Variants in GFRA1 observed in about 807,000 individuals in gnomAD.
The protein encoded by GFRA1 is GDNF family receptor alpha 1, also known as GDNF family receptor alpha-1.
A neutral mutation model predicts 51.6 loss-of-function variants in GFRA1; 16 were observed. That is an observed-to-expected ratio of 0.31 (90% CI 0.21 to 0.47). The LOEUF (loss-of-function observed/expected upper bound fraction) is 0.47. Among genes scored for constraint, GFRA1 ranks in the 20% least tolerant of loss-of-function variants. GFRA1 has a pLI of 1.00. For missense variants in GFRA1, 530 were observed against 594.3 expected (o/e 0.89, Z 1.13); for synonymous variants, 270 against 241.3 (o/e 1.12, Z -1.10).
intron 5 of GFRA1, among the ~76,000 whole-genome samples, chr10:116,155,286 A>G (rs1959179540): frequency 6.6e-6 from 1 of 152,128 alleles, no homozygotes; most frequent in Admixed American, 6.6e-5. Context: ...GGCTCTCATA[A>G]CCTGTTAGCA....
chr10:116,092,871 C>A (rs981719327), intron 8 of GFRA1, among the ~76,000 whole-genome samples: 1 of 152,140 alleles, frequency 6.6e-6, no homozygotes, highest in African/African-American at 2.4e-5. Context: ...GAGTGGGTTG[C>A]AATTTTCAAG....
rs1843833995 is a variant in GFRA1 at position 116,270,685 on chromosome 10, C to G, written c.334+137G>C. On this transcript the variant is annotated intron_variant, in intron 3 of 10. Coordinates refer to ENST00000355422, the MANE Select transcript of GFRA1 (RefSeq NM_005264.8). ...CCAGCAAACACCAGCTGCCGTTGTC[C>G]CTGGGGGCCAAGGAAAGGTCCTCAC... 4 of 705,570 alleles carry G rather than the reference C, an allele frequency of 5.7e-6. No homozygotes were observed. In the South Asian group the frequency reaches 7.0e-5, roughly 12 times the overall value. The allele number at this position is 705,570 out of a possible 1,614,324, so 43.7% of individuals were successfully genotyped here.
chr10:116,261,562 C>T (rs1376889697), intron 4 of GFRA1, among the ~76,000 whole-genome samples: 1 of 152,050 alleles, frequency 6.6e-6, no homozygotes, highest in African/African-American at 2.4e-5. Flanking sequence ...TGTACTTTAT[C>T]TTCTTCCATG....
Position 116,270,893 on chromosome 10 carries a change from C to A in GFRA1, c.263G>T (p.Arg88Leu). The stretch of plus-strand genomic sequence containing the variant: ...CTCCTTCTTCATACCCCGCTTGCAG[C>A]GGCAGTTGTAGAGCGACTTCTGCTT... ...ALKQKSLYNC[R>L]CKRGMKKEKN... The change falls in exon 3 of 11, where the codon CGC (arginine) becomes CTC (leucine). Residue 88 changes from arginine to leucine, a missense_variant. Coordinates refer to ENST00000355422, the MANE Select transcript of GFRA1 (RefSeq NM_005264.8). 2 of 1,614,084 alleles carry A rather than the reference C, an allele frequency of 1.2e-6. No homozygotes were observed. The highest frequency in any genetic ancestry group is 1.6e-4 in the Middle Eastern group (1 of 6,062).
chr10:116,076,760 A>T (rs2133817654), intron 9 of GFRA1, among the ~76,000 whole-genome samples: 1 of 152,144 alleles, frequency 6.6e-6, no homozygotes, highest in East Asian at 1.9e-4. Flanking sequence ...CCTGGGACCT[A>T]ATTCCCCATG....
intron 5 of GFRA1, among the ~76,000 whole-genome samples, chr10:116,153,774 A>G (rs1357936878): frequency 6.6e-6 from 1 of 152,230 alleles, no homozygotes; most frequent in Non-Finnish European, 1.5e-5. Flanking sequence ...TCTGTTCATC[A>G]AATGATACCA....
At chr10:116,105,582 T>C (rs2694791) in intron 6 of GFRA1, among the ~76,000 whole-genome samples, 27,559 of 152,182 alleles carry the variant, frequency 0.18, 2,530 homozygotes, top group Middle Eastern at 0.23. Context: ...TGCCTTCAGA[T>C]GTAGCTGTGA....
chr10:116,157,306 C>T (rs1959243401), intron 5 of GFRA1, among the ~76,000 whole-genome samples: 1 of 152,140 alleles, frequency 6.6e-6, no homozygotes, highest in Non-Finnish European at 1.5e-5. Context: ...CTTTTAAGGG[C>T]CTAATACTCA....
chr10:116,238,983 T>C (rs1967130818), intron 4 of GFRA1, among the ~76,000 whole-genome samples: 2 of 152,270 alleles, frequency 1.3e-5, no homozygotes, highest in South Asian at 2.1e-4. Flanking sequence ...ATACGTGAAA[T>C]AGGAATCTCA....
intron 6 of GFRA1, among the ~76,000 whole-genome samples, chr10:116,121,383 CCAAA>C (rs1343287294): frequency 3.3e-5 from 5 of 152,066 alleles, no homozygotes; most frequent in Non-Finnish European, 7.4e-5. Context: ...GCTTGGAGGC[CCAAA>C]CAGTCAGGCT....
chr10:116,271,322 G>C (rs973531989), intron 2 of GFRA1, among the ~76,000 whole-genome samples: 2 of 152,048 alleles, frequency 1.3e-5, no homozygotes, highest in African/African-American at 2.4e-5. Flanking sequence ...TCCCGGGCCC[G>C]CAAGGAAGAG....
At chr10:116,136,001 T>C (rs1239786022) in intron 5 of GFRA1, among the ~76,000 whole-genome samples, 2 of 152,210 alleles carry the variant, frequency 1.3e-5, no homozygotes, top group Non-Finnish European at 2.9e-5. Context: ...GGATACTTTT[T>C]TTCCCCCCAA....
intron 4 of GFRA1, chr10:116,226,925 CTCTAA>C (rs1293447767): frequency 1.8e-5 from 3 of 170,078 alleles, no homozygotes; most frequent in African/African-American, 7.1e-5. Flanking sequence ...CTAATGCTGC[CTCTAA>C]TCTGACAGGT....
At chr10:116,077,940 GAACAGC>G (rs937612723) in intron 9 of GFRA1, among the ~76,000 whole-genome samples, 1 of 152,258 alleles carries the variant, frequency 6.6e-6, no homozygotes, top group Middle Eastern at 3.4e-3. Context: ...AGTCTTGCAG[GAACAGC>G]ACTGTTTTCC....
intron 4 of GFRA1, among the ~76,000 whole-genome samples, chr10:116,214,758 G>A (rs1458240113): frequency 1.3e-5 from 2 of 152,172 alleles, no homozygotes; most frequent in Non-Finnish European, 2.9e-5. Flanking sequence ...GTTTTGACAA[G>A]GAGCACTTCC....
chr10:116,209,320 T>G (rs1278209683), intron 5 of GFRA1, among the ~76,000 whole-genome samples: 1 of 152,154 alleles, frequency 6.6e-6, no homozygotes, highest in Non-Finnish European at 1.5e-5. Flanking sequence ...GAACATCTGA[T>G]GTTGTCAACT....
At position 116,057,180 on chromosome 10, in the gene GFRA1, G is replaced by A. The variant is rs537541258; in HGVS notation, c.*7218C>T. 2.0e-5 allele frequency: 3 copies of A among 152,252 alleles called. No homozygotes were observed. The highest frequency in any genetic ancestry group is 2.1e-4 in the South Asian group (1 of 4,828). The allele number at this position is 152,252 out of a possible 1,614,324, so 9.4% of individuals were successfully genotyped here. The stretch of plus-strand genomic sequence containing the variant: ...GGGAGTGACCCCAGGAGAATGCTCC[G>A]GTGTCCTCTGGAAAGCAGATACACA... On this transcript the variant is annotated 3_prime_UTR_variant, in exon 11 of 11. Transcript: ENST00000355422.
chr10:116,132,449 G>A (rs3781529), intron 5 of GFRA1, among the ~76,000 whole-genome samples: 18,994 of 151,874 alleles, frequency 0.13, 1,393 homozygotes, highest in East Asian at 0.2. Context: ...CTGTATGTTC[G>A]AAAATGTTCA....
chr10:116,105,603 T>C (rs956895728), intron 6 of GFRA1, among the ~76,000 whole-genome samples: 2 of 152,060 alleles, frequency 1.3e-5, no homozygotes, highest in African/African-American at 4.8e-5. Flanking sequence ...TGTGGCAGAA[T>C]ATAAAAATTA....
Sources: allele counts gnomAD v4.1 joint callset (sites outside exome capture counted in the v4.1 genomes callset), GRCh38; gene constraint gnomAD v4.1.1; transcripts MANE v1.5; gene names NCBI Gene and HGNC (gene_info 2026-07-23, HGNC 2026-07-21).